Variants in GLDC observed in about 807,000 individuals in gnomAD.
GLDC encodes glycine dehydrogenase (decarboxylating), mitochondrial.
GLDC carries 104 observed loss-of-function variants against 121.3 expected under a neutral mutation model. The observed-to-expected ratio is 0.86, with a 90% CI of 0.73 to 1.01. The LOEUF is 1.01. Ranked by LOEUF, GLDC falls within the 50% of genes least tolerant of loss-of-function variation. The probability of loss-of-function intolerance (pLI) is 0.00; values close to 1 mark genes in which losing one functional copy is unlikely to be tolerated. For synonymous variants in GLDC, 546 were observed against 480.6 expected (o/e 1.14, Z -1.78); for missense variants, 1,429 against 1,306.6 (o/e 1.09, Z -1.44).
At chr9:6,575,227 A>C (rs903712044) in intron 15 of GLDC, among the ~76,000 whole-genome samples, 3 of 151,526 alleles carry the variant, frequency 2.0e-5, no homozygotes, top group Non-Finnish European at 4.4e-5. Flanking sequence ...AAAAAAAAAA[A>C]ACAAACCCCA....
At chr9:6,584,474 T>C (rs568236176) in intron 15 of GLDC, among the ~76,000 whole-genome samples, 1 of 152,284 alleles carries the variant, frequency 6.6e-6, no homozygotes, top group East Asian at 1.9e-4. Context: ...AGAATAATTA[T>C]AAGACAAGAA....
chr9:6,573,216 TGAGGCAGGTG>T (rs1351043894), intron 15 of GLDC, among the ~76,000 whole-genome samples: 7 of 152,014 alleles, frequency 4.6e-5, no homozygotes, highest in African/African-American at 1.2e-4. Context: ...TTTGGGAGGC[TGAGGCAGGTG>T]GAGGCAGGTG....
At chr9:6,554,039 C>A (rs1817567781) in intron 19 of GLDC, among the ~76,000 whole-genome samples, 1 of 152,132 alleles carries the variant, frequency 6.6e-6, no homozygotes, top group Non-Finnish European at 1.5e-5. Context: ...AAGCTTCCAG[C>A]AACTCTGAAA....
intron 2 of GLDC, among the ~76,000 whole-genome samples, chr9:6,622,330 G>A (rs1307622003): frequency 6.7e-6 from 1 of 148,720 alleles, no homozygotes; most frequent in African/African-American, 2.5e-5. Context: ...TTGGCTCACT[G>A]CAACCTCCCT....
chr9:6,603,428 G>T (rs1277910657), intron 7 of GLDC, among the ~76,000 whole-genome samples: 2 of 149,998 alleles, frequency 1.3e-5, no homozygotes, highest in Non-Finnish European at 3.0e-5. Context: ...TGAGCAATAT[G>T]GTGAAACCCT....
intron 15 of GLDC, among the ~76,000 whole-genome samples, chr9:6,583,618 G>A (rs1587943454): frequency 6.6e-6 from 1 of 152,198 alleles, no homozygotes; most frequent in South Asian, 2.1e-4. Flanking sequence ...CAAGGTTGCA[G>A]TGAGCCAAGA....
chr9:6,567,656 A>G (rs1817879399), intron 15 of GLDC, among the ~76,000 whole-genome samples: 1 of 152,258 alleles, frequency 6.6e-6, no homozygotes, highest in Non-Finnish European at 1.5e-5. Context: ...GAACACTGAC[A>G]TAAAAAATAT....
intron 3 of GLDC, among the ~76,000 whole-genome samples, chr9:6,614,955 G>T (rs1017514290): frequency 3.3e-5 from 5 of 152,260 alleles, no homozygotes; most frequent in African/African-American, 9.6e-5. Flanking sequence ...TACAGAAAAG[G>T]TACAGTAAAA....
intron 7 of GLDC, among the ~76,000 whole-genome samples, 183 bp from the exon 8 acceptor site, chr9:6,602,388 T>C (rs1018580088): frequency 6.6e-6 from 1 of 152,132 alleles, no homozygotes; most frequent in Non-Finnish European, 1.5e-5. Context: ...TTTTTTTTTT[T>C]TTTTTTGAGA....
At chr9:6,541,508 T>C (rs1044624458) in intron 21 of GLDC, 1 of 152,122 alleles carries the variant, frequency 6.6e-6, no homozygotes, top group Admixed American at 6.6e-5. Context: ...ACTGCTCTGC[T>C]TCTTATAGAA....
intron 5 of GLDC, chr9:6,606,010 A>G (rs1448095280): frequency 6.3e-6 from 1 of 158,500 alleles, no homozygotes; most frequent in Admixed American, 6.1e-5. Flanking sequence ...TCTTTCTACA[A>G]AAAGAAAACA....
intron 2 of GLDC, among the ~76,000 whole-genome samples, chr9:6,625,614 G>C (rs1313463164): frequency 1.3e-5 from 2 of 152,196 alleles, no homozygotes; most frequent in Non-Finnish European, 2.9e-5. Flanking sequence ...CAAAATTACA[G>C]TCCCTCACTA....
intron 15 of GLDC, among the ~76,000 whole-genome samples, chr9:6,584,313 C>T (rs1017361125): frequency 5.9e-5 from 9 of 152,158 alleles, no homozygotes; most frequent in African/African-American, 1.4e-4. Context: ...ACATGGTATT[C>T]GAAATTCTCC....
intron 2 of GLDC, among the ~76,000 whole-genome samples, chr9:6,643,875 A>C (rs1207757274): frequency 2.0e-5 from 3 of 151,482 alleles, no homozygotes; most frequent in African/African-American, 7.3e-5. Context: ...CTCTAATAAA[A>C]ATATAAAAAT....
At chr9:6,590,618 C>T (rs1462029066) in intron 11 of GLDC, among the ~76,000 whole-genome samples, 3 of 152,214 alleles carry the variant, frequency 2.0e-5, no homozygotes, top group South Asian at 2.1e-4. Flanking sequence ...CAGAAGCAAA[C>T]GCTTCTTGCA....
chr9:6,615,652 C>G (rs546710902), intron 3 of GLDC, among the ~76,000 whole-genome samples: 1 of 152,060 alleles, frequency 6.6e-6, no homozygotes, highest in East Asian at 1.9e-4. Context: ...TAACTGTCAC[C>G]CAGGCTGGAG....
chr9:6,538,136 G>C (rs1201889584), intron 22 of GLDC, among the ~76,000 whole-genome samples: 1 of 150,944 alleles, frequency 6.6e-6, no homozygotes, highest in African/African-American at 2.4e-5. Context: ...AAGAGAACAA[G>C]CTGATTACCT....
chr9:6,597,060 C>G (rs576918880), intron 8 of GLDC, among the ~76,000 whole-genome samples: 1 of 152,216 alleles, frequency 6.6e-6, no homozygotes, highest in African/African-American at 2.4e-5. Context: ...ATTAAGTACA[C>G]ATTCATGCTA....
chr9:6,627,385 C>T (rs1488696460), intron 2 of GLDC, among the ~76,000 whole-genome samples: 1 of 149,880 alleles, frequency 6.7e-6, no homozygotes, highest in Non-Finnish European at 1.5e-5. Context: ...AACTGTCAAA[C>T]ATGAGACAAA....
Sources: allele counts gnomAD v4.1 joint callset (sites outside exome capture counted in the v4.1 genomes callset), GRCh38; gene constraint gnomAD v4.1.1; transcripts MANE v1.5; gene names NCBI Gene and HGNC (gene_info 2026-07-23, HGNC 2026-07-21).